The following DEAF1 variants were observed in gnomAD, a reference collection of about 807,000 sequenced individuals.
DEAF1 encodes the protein deformed epidermal autoregulatory factor 1 homolog.
A neutral mutation model predicts 58.9 loss-of-function variants in DEAF1; 53 were observed. That is an observed-to-expected ratio of 0.90 (90% CI 0.72 to 1.13). DEAF1 has a LOEUF of 1.13. Ranked by LOEUF, DEAF1 falls within the 50% of genes most tolerant of loss-of-function variation. The pLI is 0.00. For missense variants in DEAF1, 685 were observed against 791.4 expected, an observed-to-expected ratio of 0.87 and a Z score of 1.61; for synonymous variants, 385 against 340.4, an observed-to-expected ratio of 1.13 and a Z score of -1.44.
chr11:695,827 G>A, upstream of DEAF1: 1 of 1,230,980 alleles, frequency 8.1e-7, no homozygotes, highest in Non-Finnish European at 1.0e-6. Context: ...GGGCGGGTAA[G>A]ATGGCGGCCC....
intron 11 of DEAF1, among the ~76,000 whole-genome samples, chr11:647,045 G>A (rs78319424): frequency 0.015 from 2,307 of 152,226 alleles, 64 homozygotes; most frequent in African/African-American, 0.053. Context: ...TGTGGTCCAA[G>A]CTACTTGGGA....
Position 674,886 on chromosome 11 carries a change from T to A in DEAF1, c.1256-103A>T, listed in dbSNP as rs1859988412. 25 of 1,512,824 alleles carry A rather than the reference T, an allele frequency of 1.7e-5. No individual in the cohort carries two copies. The South Asian group carries it at 2.8e-4, about 17-fold the overall frequency. 93.7% of individuals were successfully genotyped at this position (1,512,824 alleles called of 1,614,324 possible). A position where few individuals can be genotyped will look rare whatever the true frequency, so the allele number is the denominator to read the frequency against. On this transcript the variant is annotated intron_variant, in intron 9 of 11. Coordinates refer to ENST00000382409, the MANE Select transcript of DEAF1 (RefSeq NM_021008.4). Reference sequence around the variant, plus strand: ...TCAGCCGGGCGCGGTGGCTCACGCCTGTAATCCCAGCACTTTGGGAGGCCA... The same window carrying A: ...TCAGCCGGGCGCGGTGGCTCACGCCAGTAATCCCAGCACTTTGGGAGGCCA...
intron 1 of DEAF1, among the ~76,000 whole-genome samples, chr11:692,064 T>C (rs1860859868): frequency 6.6e-6 from 1 of 152,110 alleles, no homozygotes. Context: ...CAGGCCACCA[T>C]CGTCAGGTGA....
chr11:694,782 G>A lies in DEAF1; in HGVS notation c.266C>T (p.Ala89Val). The change falls in exon 1 of 12, where the codon GCC becomes GTC. Residue 89 changes from alanine (A) to valine (V), a missense_variant. Physicochemically the swap from Ala to Val is moderately conservative, Grantham distance 64. Coordinates refer to ENST00000382409, the MANE Select transcript of DEAF1 (RefSeq NM_021008.4). ...GCCTGCGAAGGCTGCGGCAGCGGCG[G>A]CCTCGTCGGGGCCGGGCAGGGCCTC... ...GAEALPGPDE[A>V]AAAAAFAEVT... 1 of 1,338,016 alleles carries A rather than the reference G, an allele frequency of 7.5e-7. No homozygotes were observed. The highest frequency in any genetic ancestry group is 1.9e-5 in the South Asian group (1 of 52,008). 82.9% of individuals were successfully genotyped at this position (1,338,016 alleles called of 1,614,324 possible). A position where few individuals can be genotyped will look rare whatever the true frequency, so the allele number is the denominator to read the frequency against.
Position 644,479 on chromosome 11 carries a change from G to A in DEAF1, c.*71C>T, listed in dbSNP as rs980036538. 19 of 1,200,914 alleles carry A rather than the reference G, an allele frequency of 1.6e-5. No homozygotes were observed. The highest frequency in any genetic ancestry group is 1.9e-5 in the Non-Finnish European group (16 of 825,720). 74.4% of individuals were successfully genotyped at this position (1,200,914 alleles called of 1,614,324 possible). On this transcript the variant is annotated 3_prime_UTR_variant, in exon 12 of 12. Coordinates refer to ENST00000382409, the MANE Select transcript of DEAF1 (RefSeq NM_021008.4). This position sits in a 1 kb window ranked among gnomAD's most constrained non-coding sequence, Gnocchi z 4.3. ...CTCAACGTCCCCCCAGAGTCCTCAG[G>A]GGGGCCTTCGACCTGCAAAAGCCTC...
intron 1 of DEAF1, chr11:701,026 A>C: frequency 2.4e-6 from 1 of 417,710 alleles, no homozygotes; most frequent in Non-Finnish European, 4.4e-6. Flanking sequence ...CGGAATATTC[A>C]CCAGCACCCC....
At chr11:656,557 T>C (rs1859064180) in intron 10 of DEAF1, among the ~76,000 whole-genome samples, 3 of 152,248 alleles carry the variant, frequency 2.0e-5, no homozygotes. Context: ...GCTCTGTGGA[T>C]GGCCGGGCCA....
chr11:676,383 G>A (rs1338562582), intron 9 of DEAF1, among the ~76,000 whole-genome samples: 1 of 129,258 alleles, frequency 7.7e-6, no homozygotes, highest in Non-Finnish European at 1.6e-5. Context: ...CATCCCCCCA[G>A]CAGGCAACAC....
chr11:696,580 C>T (rs1231782007), upstream of DEAF1, among the ~76,000 whole-genome samples: 1 of 152,024 alleles, frequency 6.6e-6, no homozygotes, highest in Non-Finnish European at 1.5e-5. Flanking sequence ...GCCTGGGCAA[C>T]ATAGCAAGAC....
chr11:653,951 G>C lies in DEAF1; in HGVS notation c.1593+11C>G, dbSNP rs758760503. Reference sequence around the variant, plus strand: ...GGCGGGGGCACTGAGCCTGGTGTAGGTGAGACCTACCTTGCGTTGGCAGAA... The same window carrying C: ...GGCGGGGGCACTGAGCCTGGTGTAGCTGAGACCTACCTTGCGTTGGCAGAA... On this transcript the variant is annotated intron_variant, in intron 11 of 11. Coordinates refer to ENST00000382409, the MANE Select transcript of DEAF1 (RefSeq NM_021008.4). 1.9e-6 allele frequency: 3 copies of C among 1,613,484 alleles called. No individual in the cohort carries two copies. The highest frequency in any genetic ancestry group is 1.1e-5 in the South Asian group (1 of 91,058).
chr11:681,922 A>C (rs1316197489), intron 6 of DEAF1, among the ~76,000 whole-genome samples: 1 of 152,188 alleles, frequency 6.6e-6, no homozygotes, highest in Non-Finnish European at 1.5e-5. Context: ...TGTATGGTCC[A>C]AGGCTCCTTG....
chr11:660,633 G>A (rs1859280048), intron 10 of DEAF1, among the ~76,000 whole-genome samples: 2 of 152,234 alleles, frequency 1.3e-5, no homozygotes, highest in South Asian at 2.1e-4. Context: ...TCCCAAAGAC[G>A]CCAGCAACCC....
At chr11:695,828 A>G (rs1454683016), upstream of DEAF1, 55 of 1,230,380 alleles carry the variant, frequency 4.5e-5, no homozygotes, top group Non-Finnish European at 5.6e-5. Flanking sequence ...GGCGGGTAAG[A>G]TGGCGGCCCC....
intron 1 of DEAF1, among the ~76,000 whole-genome samples, chr11:701,679 G>C (rs1004103472): frequency 6.6e-6 from 1 of 152,146 alleles, no homozygotes; most frequent in African/African-American, 2.4e-5. Flanking sequence ...AAAGTGCTGG[G>C]ATTACAGGCG....
intron 6 of DEAF1, 66 bp from the exon 7 acceptor site, chr11:681,155 C>A: frequency 6.2e-7 from 1 of 1,610,074 alleles, no homozygotes; most frequent in East Asian, 2.2e-5. Flanking sequence ...CTTGCAACTC[C>A]TCCTTAAGTG....
chr11:687,026 T>C (rs771292215), intron 4 of DEAF1, 29 bp from the exon 5 acceptor site: 7 of 1,613,318 alleles, frequency 4.3e-6, no homozygotes, highest in Middle Eastern at 1.8e-4. Flanking sequence ...GTCATGATGA[T>C]GGCAGGTGGG....
rs1589973373 is a variant in DEAF1, at chr11:652,872, T to G, written c.1593+1090A>C. ...GCCAAGGTGGGTGGATCACCTGAGG[T>G]CAGGAGTTCGAGACCAGCTTGCCCA... On this transcript the variant is annotated intron_variant, in intron 11 of 11. Coordinates refer to ENST00000382409, the MANE Select transcript of DEAF1 (RefSeq NM_021008.4). Among the ~76,000 whole-genome samples the G allele has an allele frequency of 2.0e-5, 3 of 151,778 alleles. No individual in the cohort carries two copies. In the East Asian group the frequency reaches 5.8e-4, roughly 30 times the overall value.
At chr11:674,869 G>T (rs1859987102) in intron 9 of DEAF1, 86 bp from the exon 10 acceptor site, 1 of 1,577,548 alleles carries the variant, frequency 6.3e-7, no homozygotes, top group African/African-American at 1.3e-5. Context: ...TCTCAGCCGG[G>T]CGCGGTGGCT....
intron 10 of DEAF1, among the ~76,000 whole-genome samples, chr11:671,198 G>A (rs894541115): frequency 1.1e-4 from 17 of 151,646 alleles, no homozygotes; most frequent in African/African-American, 4.1e-4. Flanking sequence ...AAAGTGCTGG[G>A]ATTACAGGCG....
Sources: gnomAD v4.1 joint callset for allele counts (sites outside exome capture counted in the v4.1 genomes callset) on GRCh38, gnomAD v4.1.1 for gene constraint, Gnocchi (gnomAD v3.1) non-coding constraint, MANE v1.5 for transcripts, NCBI Gene and HGNC (gene_info 2026-07-23, HGNC 2026-07-21) for gene names.